The following SHB variants were observed in gnomAD, a reference collection of about 807,000 sequenced individuals.
The protein encoded by SHB is SH2 domain-containing adapter protein B.
A neutral mutation model predicts 52.3 loss-of-function variants in SHB; 20 were observed. The observed-to-expected ratio is 0.38, with a 90% confidence interval of 0.27 to 0.56. SHB has a LOEUF of 0.56. Ranked by LOEUF, SHB falls within the 20% of genes least tolerant of loss-of-function variation. SHB has a pLI of 0.71. For synonymous variants in SHB, 397 were observed against 316.5 expected, an observed-to-expected ratio of 1.25 and a Z score of -2.70; for missense variants, 825 against 723.3, an observed-to-expected ratio of 1.14 and a Z score of -1.61.
chr9:38,017,708 G>A (rs1217656266), intron 1 of SHB, among the ~76,000 whole-genome samples: 4 of 152,226 alleles, frequency 2.6e-5, no homozygotes, highest in Admixed American at 2.6e-4. Context: ...TGTGGCTCAG[G>A]CTCTGAGTCC....
At chr9:37,998,051 C>T (rs1453659438) in intron 2 of SHB, among the ~76,000 whole-genome samples, 1 of 152,242 alleles carries the variant, frequency 6.6e-6, no homozygotes, top group Non-Finnish European at 1.5e-5. Context: ...GCACTTGCTG[C>T]ATTCTGCTGT....
chr9:37,944,024 T>C (rs1028020257), intron 5 of SHB, among the ~76,000 whole-genome samples: 1 of 152,194 alleles, frequency 6.6e-6, no homozygotes, highest in Non-Finnish European at 1.5e-5. Context: ...GCTCAACCCT[T>C]TGCTCCCTGA....
chr9:37,962,575 T>C (rs1163151709), intron 3 of SHB, among the ~76,000 whole-genome samples: 12 of 151,812 alleles, frequency 7.9e-5, no homozygotes, highest in Admixed American at 1.3e-4. Context: ...AGCACGATCA[T>C]AGCTCAATGT....
chr9:37,963,139 C>T (rs1832712093), intron 3 of SHB, among the ~76,000 whole-genome samples: 1 of 152,184 alleles, frequency 6.6e-6, no homozygotes, highest in Admixed American at 6.5e-5. Context: ...TCCTCTTGTC[C>T]TCACCATTGA....
intron 3 of SHB, among the ~76,000 whole-genome samples, chr9:37,960,318 T>C (rs949105345): frequency 1.9e-4 from 29 of 152,250 alleles, no homozygotes; most frequent in African/African-American, 6.8e-4. Context: ...TCTTTTAATT[T>C]AGTGATTTTT....
At chr9:38,050,622 G>A (rs1587264488) in intron 1 of SHB, among the ~76,000 whole-genome samples, 1 of 152,148 alleles carries the variant, frequency 6.6e-6, no homozygotes. Flanking sequence ...GTGGTCGTCA[G>A]AAATGTCCAA....
intron 1 of SHB, among the ~76,000 whole-genome samples, chr9:38,052,869 T>G (rs547528199): frequency 6.6e-6 from 1 of 152,292 alleles, no homozygotes; most frequent in African/African-American, 2.4e-5. Context: ...CCTCCTCACA[T>G]CCACCAATCT....
At chr9:38,060,000 A>C (rs1821872150) in intron 1 of SHB, among the ~76,000 whole-genome samples, 1 of 152,218 alleles carries the variant, frequency 6.6e-6, no homozygotes, top group South Asian at 2.1e-4. Flanking sequence ...TACCATGCCA[A>C]CAGAGGGGAC....
chr9:37,969,263 G>A (rs1204691192), intron 3 of SHB, among the ~76,000 whole-genome samples: 1 of 152,168 alleles, frequency 6.6e-6, no homozygotes, highest in Non-Finnish European at 1.5e-5. Context: ...TCTGGAGTTG[G>A]AGCTGACAGG....
intron 5 of SHB, among the ~76,000 whole-genome samples, chr9:37,936,029 C>G (rs1043297025): frequency 6.7e-6 from 1 of 149,916 alleles, no homozygotes; most frequent in African/African-American, 2.5e-5. Flanking sequence ...ATGGTGAAAC[C>G]CCGTCTCTAC....
chr9:37,938,794 G>A (rs944690047), intron 5 of SHB, among the ~76,000 whole-genome samples: 9 of 152,356 alleles, frequency 5.9e-5, no homozygotes, highest in East Asian at 1.9e-4. Flanking sequence ...TGACGGGCAC[G>A]TCTGGCACTG....
chr9:37,974,926 C>A, intron 2 of SHB, 89 bp from the exon 3 acceptor site: 1 of 1,131,042 alleles, frequency 8.8e-7, no homozygotes, highest in Non-Finnish European at 1.3e-6. Context: ...AAACTCAGAG[C>A]TGCCAGCGGG....
intron 2 of SHB, among the ~76,000 whole-genome samples, chr9:37,982,002 T>C (rs1011936253): frequency 6.6e-6 from 1 of 151,676 alleles, no homozygotes; most frequent in African/African-American, 2.4e-5. Context: ...ATTACCAAAA[T>C]GTGACACAGA....
intron 1 of SHB, among the ~76,000 whole-genome samples, chr9:38,040,368 G>T (rs1173893406): frequency 6.6e-6 from 1 of 152,194 alleles, no homozygotes; most frequent in South Asian, 2.1e-4. Context: ...GTGGGAAGCT[G>T]CCACATGAAT....
chr9:37,951,669 A>T (rs1832567848), intron 4 of SHB, among the ~76,000 whole-genome samples: 1 of 152,238 alleles, frequency 6.6e-6, no homozygotes, highest in Non-Finnish European at 1.5e-5. Context: ...CTCTGCTCTG[A>T]GATGGGGGCA....
In SHB at chr9:38,059,276, C is replaced by T. The variant is rs186307693; in HGVS notation, c.717+8653G>A. Reference sequence around the variant, plus strand: ...ACCTGTCGAGTCACTCTCCCCTCCTCGGCCGTGGGAAGCCCCTTTCTGACC... The same window carrying T: ...ACCTGTCGAGTCACTCTCCCCTCCTTGGCCGTGGGAAGCCCCTTTCTGACC... On this transcript the variant is annotated intron_variant, in intron 1 of 5. Coordinates refer to ENST00000377707, the MANE Select transcript of SHB (RefSeq NM_003028.3). Among the ~76,000 whole-genome samples the T allele has an allele frequency of 1.1e-3, 169 of 150,976 alleles. 2 individuals carry two copies. The highest frequency in any genetic ancestry group is 3.8e-3 in the African/African-American group (155 of 41,046).
chr9:37,971,036 G>C (rs143885497), intron 3 of SHB, among the ~76,000 whole-genome samples: 2 of 152,240 alleles, frequency 1.3e-5, no homozygotes, highest in African/African-American at 4.8e-5. Context: ...TCCAGCTATG[G>C]ATCCTGCACC....
At chr9:38,007,226 G>T (rs1004311612) in intron 2 of SHB, among the ~76,000 whole-genome samples, 1 of 152,212 alleles carries the variant, frequency 6.6e-6, no homozygotes, top group Non-Finnish European at 1.5e-5. Context: ...ACAGCAGAAT[G>T]GGAGAGGCTG....
chr9:37,975,005 G>A (rs6476667), intron 2 of SHB, among the ~76,000 whole-genome samples, 168 bp from the exon 3 acceptor site: 86,934 of 151,906 alleles, frequency 0.57, 25,273 homozygotes, highest in East Asian at 0.77. Context: ...CCAGTGCCGC[G>A]TCTCTGCTCT....
Sources: gnomAD v4.1 joint callset for allele counts (sites outside exome capture counted in the v4.1 genomes callset) on GRCh38, gnomAD v4.1.1 for gene constraint, MANE v1.5 for transcripts, NCBI Gene and HGNC (gene_info 2026-07-23, HGNC 2026-07-21) for gene names.